The following AXIN1 variants were observed in gnomAD, a reference collection of about 807,000 sequenced individuals.
The protein encoded by AXIN1 is axin 1.
A neutral mutation model predicts 76.4 loss-of-function variants in AXIN1; 30 were observed. That is an observed-to-expected ratio of 0.39 (90% CI 0.29 to 0.53). The LOEUF is 0.53. Ranked by LOEUF, AXIN1 falls within the 20% of genes least tolerant of loss-of-function variation. The pLI is 0.66. For synonymous variants in AXIN1, 545 were observed against 501.4 expected, an observed-to-expected ratio of 1.09 and a Z score of -1.16; for missense variants, 1,140 against 1,198.8, an observed-to-expected ratio of 0.95 and a Z score of 0.72.
At position 298,012 on chromosome 16, in the gene AXIN1, G is replaced by C. The variant is rs573625935; in HGVS notation, c.1494C>G (p.His498Gln). 13 of 1,597,440 alleles carry C rather than the reference G, an allele frequency of 8.1e-6. No individual in the cohort carries two copies. In the East Asian group the frequency reaches 2.0e-4, roughly 25 times the overall value. Residue 498 changes from histidine (H) to glutamine (Q), a missense_variant, in exon 6 of 11, where the codon CAC becomes CAG. Coordinates refer to ENST00000262320, the MANE Select transcript of AXIN1 (RefSeq NM_003502.4). ...GPGHRSPDSG[H>Q]VAKMPVALGG... is the part of the protein sequence containing the mutation. ...CCAGTGCCACTGGCATCTTGGCCAC[G>C]TGCCCACTGTCCGGGGAGCGATGGC...
At chr16:351,901 G>A (rs1341158658) in intron 1 of AXIN1, among the ~76,000 whole-genome samples, 6 of 152,156 alleles carry the variant, frequency 3.9e-5, no homozygotes, top group Non-Finnish European at 8.8e-5. Flanking sequence ...TGCGGGGCGG[G>A]GGTAGAATCT....
chr16:332,512 G>C (rs994024144), intron 2 of AXIN1, among the ~76,000 whole-genome samples: 1 of 150,952 alleles, frequency 6.6e-6, no homozygotes, highest in East Asian at 2.0e-4. Context: ...GGAGGTGGAG[G>C]TTGCAGTGAG....
At chr16:351,177 G>A (rs1383402515) in intron 1 of AXIN1, among the ~76,000 whole-genome samples, 1 of 151,666 alleles carries the variant, frequency 6.6e-6, no homozygotes, top group African/African-American at 2.4e-5. Flanking sequence ...GAGTATCTCG[G>A]GTAGCCGGTT....
At position 332,045 on chromosome 16, in the gene AXIN1, C is replaced by T. The variant is rs114675158; in HGVS notation, c.878+14103G>A. ...CCACATGGATGGCATGACACTCCCA[C>T]ACCTCGTTAGGGGCTCGCGGATGGC... On this transcript the variant is annotated intron_variant, in intron 2 of 10. Coordinates refer to ENST00000262320, the MANE Select transcript of AXIN1 (RefSeq NM_003502.4). Among the ~76,000 whole-genome samples the T allele has an allele frequency of 5.7e-3, 870 of 152,284 alleles. 10 individuals carry two copies. The highest frequency in any genetic ancestry group is 0.019 in the African/African-American group (802 of 41,534).
At chr16:341,485 T>C (rs1291219176) in intron 2 of AXIN1, among the ~76,000 whole-genome samples, 1 of 152,254 alleles carries the variant, frequency 6.6e-6, no homozygotes, top group Non-Finnish European at 1.5e-5. Flanking sequence ...TCGCTGGGTC[T>C]TAACTGCCTT....
chr16:309,233 G>A (rs1282122762), intron 4 of AXIN1, among the ~76,000 whole-genome samples: 3 of 151,934 alleles, frequency 2.0e-5, no homozygotes, highest in Non-Finnish European at 4.4e-5. Flanking sequence ...GGGAGGCTGA[G>A]GCAGGAGAAT....
chr16:295,311 T>C (rs1257959620), intron 7 of AXIN1, among the ~76,000 whole-genome samples: 1 of 151,842 alleles, frequency 6.6e-6, no homozygotes, highest in Non-Finnish European at 1.5e-5. Context: ...GTTTTTGTCA[T>C]GTTGGCCAGT....
Position 287,902 on chromosome 16 carries a change from T to A in AXIN1, c.*220A>T. 1.5e-6 allele frequency: 1 copy of A among 687,622 alleles called. No individual in the cohort carries two copies. 42.6% of individuals were successfully genotyped at this position (687,622 alleles called of 1,614,324 possible). A position where few individuals can be genotyped will look rare whatever the true frequency, so the allele number is the denominator to read the frequency against. On this transcript the variant is annotated 3_prime_UTR_variant, in exon 11 of 11. Coordinates refer to ENST00000262320, the MANE Select transcript of AXIN1 (RefSeq NM_003502.4). ...GGGCTGGGCCCTCCAAGTATTGCTA[T>A]GAGGAGTGGTCCAGGCTGCCTCCTT...
chr16:298,027 G>T lies in AXIN1; in HGVS notation c.1479C>A (p.Ser493=), dbSNP rs2141513260. The T allele has an allele frequency of 6.3e-7, 1 of 1,593,328 alleles. No individual in the cohort carries two copies. Residue 493 remains serine (S), a synonymous_variant, in exon 6 of 11, where the codon TCC becomes TCA. Coordinates refer to ENST00000262320, the MANE Select transcript of AXIN1 (RefSeq NM_003502.4). ...GRQSPGPGHR[S]PDSGHVAKMP... ...TCTTGGCCACGTGCCCACTGTCCGG[G>T]GAGCGATGGCCAGGCCCAGGCGACT...
At chr16:294,004 T>C (rs2052641059) in intron 7 of AXIN1, among the ~76,000 whole-genome samples, 1 of 152,044 alleles carries the variant, frequency 6.6e-6, no homozygotes, top group Non-Finnish European at 1.5e-5. Flanking sequence ...TGAAACCTCA[T>C]CGCTACTAAA....
intron 3 of AXIN1, 23 bp from the exon 4 acceptor site, chr16:310,092 C>A (rs370794582): frequency 6.3e-7 from 1 of 1,591,996 alleles, no homozygotes; most frequent in Non-Finnish European, 8.6e-7. Flanking sequence ...AAGAGGCAGC[C>A]GTTAACTCAG....
intron 3 of AXIN1, among the ~76,000 whole-genome samples, chr16:313,383 G>A (rs1417172322): frequency 6.6e-6 from 1 of 152,250 alleles, no homozygotes; most frequent in Non-Finnish European, 1.5e-5. Flanking sequence ...AGAATCACCA[G>A]TAGGTGAGAA....
At position 293,277 on chromosome 16, in the gene AXIN1, T is replaced by C; in HGVS notation, c.2186+211A>G. 1.6e-6 allele frequency: 1 copy of C among 610,362 alleles called. No individual in the cohort carries two copies. The highest frequency in any genetic ancestry group is 2.0e-5 in the South Asian group (1 of 50,238). 37.8% of individuals were successfully genotyped at this position (610,362 alleles called of 1,614,324 possible). A position where few individuals can be genotyped will look rare whatever the true frequency, so the allele number is the denominator to read the frequency against. On this transcript the variant is annotated intron_variant, in intron 8 of 10. Coordinates refer to ENST00000262320, the MANE Select transcript of AXIN1 (RefSeq NM_003502.4). The surrounding 1 kb of genome is among the most constrained non-coding windows in gnomAD (Gnocchi z 4.6). ...AATGAGCGCGGCGGCCTCGGGTGTG[T>C]GAAAGCTCCAGCCCCAGCCTCCGTC...
chr16:348,232 G>T (rs1469464457), intron 1 of AXIN1, among the ~76,000 whole-genome samples: 1 of 152,248 alleles, frequency 6.6e-6, no homozygotes, highest in East Asian at 1.9e-4. Context: ...GCAGGTGACT[G>T]AAACAACAGC....
intron 5 of AXIN1, among the ~76,000 whole-genome samples, chr16:301,362 G>C (rs568596294): frequency 4.7e-4 from 71 of 151,798 alleles, no homozygotes; most frequent in African/African-American, 1.5e-3. Flanking sequence ...TGGTGGTGCT[G>C]GATCCACACA....
At chr16:289,660 G>A (rs1382869674) in intron 9 of AXIN1, 53 bp from the exon 10 acceptor site, 2 of 1,604,122 alleles carry the variant, frequency 1.2e-6, no homozygotes, top group Admixed American at 1.7e-5. Flanking sequence ...GGTCCCACAG[G>A]GTCCCTCCTG....
At chr16:332,800 A>C (rs2053722004) in intron 2 of AXIN1, among the ~76,000 whole-genome samples, 1 of 152,068 alleles carries the variant, frequency 6.6e-6, no homozygotes, top group African/African-American at 2.4e-5. Flanking sequence ...TTAAAGGATC[A>C]CTCTAAATGG....
intron 7 of AXIN1, among the ~76,000 whole-genome samples, chr16:296,142 C>T (rs117711216): frequency 0.018 from 2,752 of 152,324 alleles, 27 homozygotes; most frequent in South Asian, 0.032. Flanking sequence ...CCTGTTCCCT[C>T]GGGAGCCCCA....
intron 5 of AXIN1, among the ~76,000 whole-genome samples, chr16:302,109 C>T (rs919087037): frequency 2.0e-5 from 3 of 152,194 alleles, no homozygotes; most frequent in East Asian, 3.9e-4. Context: ...AGGAAGCAAG[C>T]GAGCCGCTCC....
Sources: gnomAD v4.1 joint callset for allele counts (sites outside exome capture counted in the v4.1 genomes callset) on GRCh38, gnomAD v4.1.1 for gene constraint, Gnocchi (gnomAD v3.1) non-coding constraint, MANE v1.5 for transcripts, NCBI Gene and HGNC (gene_info 2026-07-23, HGNC 2026-07-21) for gene names.